Variants in ABL2 observed in about 807,000 individuals in gnomAD.
ABL2 encodes the protein tyrosine-protein kinase ABL2.
A neutral mutation model predicts 107.7 loss-of-function variants in ABL2; 49 were observed. That is an observed-to-expected ratio of 0.45 (90% CI 0.36 to 0.58). The LOEUF (loss-of-function observed/expected upper bound fraction) is 0.58, where lower values mean the gene tolerates loss of function less well. Among genes scored for constraint, ABL2 ranks in the 20% least tolerant of loss-of-function variants. The pLI, the probability that ABL2 is intolerant of heterozygous loss-of-function variation, is 0.00. For missense variants in ABL2, 1,245 were observed against 1,457.0 expected (o/e 0.85, Z 2.37); for synonymous variants, 549 against 548.6 (o/e 1.00, Z -0.01).
intron 1 of ABL2, among the ~76,000 whole-genome samples, chr1:179,166,736 C>T (rs1386043936): frequency 6.8e-6 from 1 of 147,928 alleles, no homozygotes. Context: ...GAGATCACAT[C>T]GCTGCACTCC....
In ABL2 at chr1:179,161,501, G is replaced by A. The variant is rs532709128; in HGVS notation, c.158-28127C>T. On this transcript the variant is annotated intron_variant, in intron 1 of 11. Coordinates refer to ENST00000502732, the MANE Select transcript of ABL2 (RefSeq NM_007314.4). ...GGGAGACCAAGGTGGTAAAATCTCT[G>A]GAGTTTATGATCAGCCTGGGCAACA... is the stretch of plus-strand genomic sequence containing the variant. 8.5e-5 allele frequency among the ~76,000 whole-genome samples: 13 copies of A among 152,240 alleles called. 1 individual carries two copies. The East Asian group carries it at 1.4e-3, about 16-fold the overall frequency.
At chr1:179,151,460 T>G (rs1658359677) in intron 1 of ABL2, among the ~76,000 whole-genome samples, 1 of 152,226 alleles carries the variant, frequency 6.6e-6, no homozygotes, top group Non-Finnish European at 1.5e-5. Flanking sequence ...TATACTATAT[T>G]TAATATAATT....
At chr1:179,115,522 C>G (rs1464634112) in intron 8 of ABL2, among the ~76,000 whole-genome samples, 1 of 152,184 alleles carries the variant, frequency 6.6e-6, no homozygotes, top group Non-Finnish European at 1.5e-5. Context: ...AGCCATGCTT[C>G]TCCTTCCCGC....
chr1:179,168,321 G>A (rs1659512789), intron 1 of ABL2, among the ~76,000 whole-genome samples: 1 of 152,032 alleles, frequency 6.6e-6, no homozygotes, highest in Non-Finnish European at 1.5e-5. Flanking sequence ...GTCATCTCTA[G>A]ATTACTGATA....
intron 1 of ABL2, among the ~76,000 whole-genome samples, chr1:179,188,315 G>A (rs1219913700): frequency 1.3e-5 from 2 of 152,098 alleles, no homozygotes; most frequent in Non-Finnish European, 2.9e-5. Flanking sequence ...GCCAAGCTAG[G>A]TAGATCACCT....
chr1:179,122,417 C>G (rs942580633), intron 4 of ABL2, among the ~76,000 whole-genome samples: 1 of 151,802 alleles, frequency 6.6e-6, no homozygotes, highest in Non-Finnish European at 1.5e-5. Flanking sequence ...GTATACCCAG[C>G]AAGAGTTTAT....
intron 1 of ABL2, among the ~76,000 whole-genome samples, chr1:179,220,474 G>A (rs1273950457): frequency 3.9e-5 from 6 of 152,208 alleles, no homozygotes; most frequent in Non-Finnish European, 8.8e-5. Context: ...GTGCCGCACA[G>A]GACAGTGCCT....
intron 1 of ABL2, among the ~76,000 whole-genome samples, chr1:179,224,647 G>A (rs1326146359): frequency 6.6e-6 from 1 of 152,088 alleles, no homozygotes; most frequent in Non-Finnish European, 1.5e-5. Context: ...TAAAAGGTAT[G>A]TGAGATATTC....
chr1:179,154,648 A>G (rs982194248), intron 1 of ABL2, among the ~76,000 whole-genome samples: 1 of 152,230 alleles, frequency 6.6e-6, no homozygotes, highest in Admixed American at 6.5e-5. Flanking sequence ...CCATGTGCAG[A>G]TTTCATCCTT....
chr1:179,159,031 G>C (rs773451136), intron 1 of ABL2, among the ~76,000 whole-genome samples: 1 of 152,194 alleles, frequency 6.6e-6, no homozygotes, highest in Non-Finnish European at 1.5e-5. Flanking sequence ...TAAATCAGCA[G>C]TAGAGCATGG....
chr1:179,169,344 C>G (rs1489921287), intron 1 of ABL2, among the ~76,000 whole-genome samples: 1 of 151,930 alleles, frequency 6.6e-6, no homozygotes, highest in Admixed American at 6.6e-5. Flanking sequence ...GTCAGGAGAT[C>G]GAGACCATCC....
At position 179,101,593 on chromosome 1, in the gene ABL2, A is replaced by G. The variant is rs1258533053; in HGVS notation, c.*6125T>C. 5.8e-6 allele frequency: 1 copy of G among 173,144 alleles called. No homozygotes were observed. The highest frequency in any genetic ancestry group is 1.2e-5 in the Non-Finnish European group (1 of 80,346). 10.7% of individuals were successfully genotyped at this position (173,144 alleles called of 1,614,324 possible). On this transcript the variant is annotated 3_prime_UTR_variant, in exon 12 of 12. Coordinates refer to ENST00000502732, the MANE Select transcript of ABL2 (RefSeq NM_007314.4). Reference sequence around the variant, plus strand: ...ACCATGTTGGCCAGGCTGGTCTCAAACTCCTGACCTCAAGTGATCCGCCCA... The same window carrying G: ...ACCATGTTGGCCAGGCTGGTCTCAAGCTCCTGACCTCAAGTGATCCGCCCA...
At chr1:179,139,155 C>T (rs777738970) in intron 1 of ABL2, among the ~76,000 whole-genome samples, 6 of 152,206 alleles carry the variant, frequency 3.9e-5, no homozygotes, top group African/African-American at 4.8e-5. Flanking sequence ...TTTGTTCTTT[C>T]GCTCTTTGCA....
intron 4 of ABL2, 145 bp from the exon 5 acceptor site, chr1:179,122,012 G>A (rs189421993): frequency 1.4e-4 from 106 of 775,706 alleles, no homozygotes; most frequent in South Asian, 1.1e-3. Context: ...TGCAAGCTCC[G>A]CCTCCCGGGT....
intron 1 of ABL2, among the ~76,000 whole-genome samples, chr1:179,211,689 G>T (rs1662282845): frequency 6.6e-6 from 1 of 151,690 alleles, no homozygotes; most frequent in African/African-American, 2.4e-5. Flanking sequence ...TTGAGGTCAG[G>T]AGTTCGAGAC....
Position 179,120,202 on chromosome 1 carries a change from C to A in ABL2, c.1033G>T (p.Val345Leu), listed in dbSNP as rs1174262735. The A allele has an allele frequency of 1.3e-6, 2 of 1,599,904 alleles. No homozygotes were observed. The highest frequency in any genetic ancestry group is 2.3e-5 in the East Asian group (1 of 43,766). ...VMKEIKHPNL[V>L]QLLGVCTLEP... is the part of the protein sequence containing the mutation. Reference sequence around the variant, plus strand: ...CAAGGTTCCTCACCTAAAAGTTGTACCAGATTAGGATGCTTGATTTCCTTC... The same window carrying A: ...CAAGGTTCCTCACCTAAAAGTTGTAACAGATTAGGATGCTTGATTTCCTTC... The change falls in exon 6 of 12, where the codon GTA becomes TTA. Residue 345 changes from valine (V) to leucine (L), a missense_variant. Physicochemically the swap from Val to Leu is conservative, Grantham distance 32 (BLOSUM62 1). Around this residue, in one of 3 missense-constraint regions of ABL2, gnomAD observed 320 missense variants for 547.0 expected, o/e 0.59. Coordinates refer to ENST00000502732, the MANE Select transcript of ABL2 (RefSeq NM_007314.4).
intron 1 of ABL2, among the ~76,000 whole-genome samples, chr1:179,159,700 C>T (rs755593583): frequency 2.6e-5 from 4 of 152,060 alleles, no homozygotes; most frequent in South Asian, 2.1e-4. Flanking sequence ...CTCTCAAATA[C>T]GGGTTTAAAT....
chr1:179,165,498 G>C (rs1659326628), intron 1 of ABL2, among the ~76,000 whole-genome samples: 1 of 152,022 alleles, frequency 6.6e-6, no homozygotes, highest in Admixed American at 6.6e-5. Context: ...TGTGTGCATA[G>C]AAATGATGTG....
At chr1:179,169,126 A>C (rs1225433926) in intron 1 of ABL2, among the ~76,000 whole-genome samples, 2 of 152,150 alleles carry the variant, frequency 1.3e-5, no homozygotes, top group Admixed American at 6.5e-5. Context: ...AGAGTTAGAA[A>C]TGAAAATCAT....
Sources: gnomAD v4.1 joint callset for allele counts (sites outside exome capture counted in the v4.1 genomes callset) on GRCh38, gnomAD v4.1.1 for gene constraint, gnomAD v4.1.1 regional missense constraint, MANE v1.5 for transcripts, NCBI Gene and HGNC (gene_info 2026-07-23, HGNC 2026-07-21) for gene names.